RERE: variants seen among roughly 807,000 people sequenced by gnomAD.
The protein encoded by RERE is arginine-glutamic acid dipeptide repeats protein.
A neutral mutation model predicts 146.1 loss-of-function variants in RERE; 40 were observed. The observed-to-expected ratio is 0.27, with a 90% CI of 0.21 to 0.36. RERE has a LOEUF of 0.36. Among genes scored for constraint, RERE ranks in the 10% least tolerant of loss-of-function variants. The pLI is 1.00. For missense variants in RERE, 1,933 were observed against 2,138.7 expected, an observed-to-expected ratio of 0.90 and a Z score of 1.90; for synonymous variants, 1,003 against 866.0, an observed-to-expected ratio of 1.16 and a Z score of -2.78.
intron 1 of RERE, among the ~76,000 whole-genome samples, chr1:8,789,430 T>C (rs931956279): frequency 1.3e-5 from 2 of 150,918 alleles, no homozygotes; most frequent in African/African-American, 4.9e-5. Context: ...TAACCTACTA[T>C]CTGACCAAAC....
chr1:8,773,996 T>C (rs1378387362), intron 1 of RERE, among the ~76,000 whole-genome samples: 1 of 152,192 alleles, frequency 6.6e-6, no homozygotes, highest in Non-Finnish European at 1.5e-5. Context: ...CATCAGCTCA[T>C]AGCCTTCCTT....
chr1:8,711,493 T>C (rs751621581), intron 1 of RERE, among the ~76,000 whole-genome samples: 6 of 152,292 alleles, frequency 3.9e-5, no homozygotes, highest in African/African-American at 9.6e-5. Context: ...CAAAACTCAC[T>C]AGAGATCTCA....
intron 1 of RERE, among the ~76,000 whole-genome samples, chr1:8,666,661 G>A (rs945500084): frequency 1.2e-4 from 19 of 152,230 alleles, no homozygotes; most frequent in Non-Finnish European, 2.6e-4. Flanking sequence ...GTAACCTGAT[G>A]TAGAGAATAC....
intron 1 of RERE, among the ~76,000 whole-genome samples, chr1:8,669,369 G>A (rs916066075): frequency 2.0e-5 from 3 of 152,126 alleles, no homozygotes; most frequent in African/African-American, 4.8e-5. Flanking sequence ...AAAATGCTGG[G>A]ATTACAGGCA....
chr1:8,473,927 G>A (rs982824094), intron 10 of RERE, among the ~76,000 whole-genome samples: 1 of 152,194 alleles, frequency 6.6e-6, no homozygotes, highest in African/African-American at 2.4e-5. Flanking sequence ...AGGTTCAATA[G>A]AGCCAACAAT....
intron 8 of RERE, among the ~76,000 whole-genome samples, chr1:8,503,819 A>G (rs1334059672): frequency 6.6e-6 from 1 of 152,232 alleles, no homozygotes; most frequent in Admixed American, 6.5e-5. Context: ...CAGGATATAC[A>G]TAACAAAATG....
At chr1:8,814,157 T>TA (rs1641866698) in intron 1 of RERE, among the ~76,000 whole-genome samples, 1 of 152,206 alleles carries the variant, frequency 6.6e-6, no homozygotes, top group South Asian at 2.1e-4. Context: ...TACACAACTT[T>TA]AGAGATTACT....
chr1:8,627,347 AAAT>A (rs1646986740), intron 2 of RERE, among the ~76,000 whole-genome samples: 1 of 151,798 alleles, frequency 6.6e-6, no homozygotes, highest in East Asian at 1.9e-4. Context: ...GGGTTAAAAA[AAAT>A]AAAAAATAAA....
At chr1:8,645,907 T>A (rs764622208) in intron 2 of RERE, among the ~76,000 whole-genome samples, 12 of 152,312 alleles carry the variant, frequency 7.9e-5, no homozygotes, top group South Asian at 4.1e-4. Context: ...AACTAAAAGA[T>A]GAAATAAAAT....
chr1:8,577,094 G>A (rs985634107), intron 4 of RERE, among the ~76,000 whole-genome samples: 4 of 151,810 alleles, frequency 2.6e-5, no homozygotes, highest in South Asian at 2.1e-4. Context: ...GCGTGAACCC[G>A]GGAGGCGGAG....
chr1:8,354,874 T>C lies in RERE; in HGVS notation c.*213A>G. On this transcript the variant is annotated 3_prime_UTR_variant, in exon 23 of 23. Transcript: ENST00000400908. ...AGGACTCACTAAGTTTCTGGGGGACTGTCATGCAGGGAGATCCAAACCAGT... is the reference window on the plus strand; with the variant it reads ...AGGACTCACTAAGTTTCTGGGGGACCGTCATGCAGGGAGATCCAAACCAGT... The C allele has an allele frequency of 3.4e-6, 2 of 580,910 alleles. No individual in the cohort carries two copies. Among genetic ancestry groups the C allele is most frequent in the Non-Finnish European group, 6.0e-6 (2 of 331,106 alleles). The allele number at this position is 580,910 out of a possible 1,614,324, so 36.0% of individuals were successfully genotyped here.
Position 8,356,108 on chromosome 1 carries a change from G to C in RERE, c.4478C>G (p.Pro1493Arg). 6.7e-7 allele frequency: 1 copy of C among 1,502,052 alleles called. No individual in the cohort carries two copies. Among genetic ancestry groups the C allele is most frequent in the Non-Finnish European group, 8.9e-7 (1 of 1,128,410 alleles). 93.0% of individuals were successfully genotyped at this position (1,502,052 alleles called of 1,614,324 possible). ...TGGAGGGGAAGTCTTACCGAAAACT[G>C]GGTGGCGAAGCATCTCGTGCTCGTG... ...PPHEHEMLRH[P>R]VFGTPYPRDL... Residue 1493 changes from proline to arginine, a missense_variant, in exon 21 of 23, where the codon CCA becomes CGA. Around this residue, in one of 11 missense-constraint regions of RERE, gnomAD observed 133 missense variants for 168.6 expected, o/e 0.79. Coordinates refer to ENST00000400908, the MANE Select transcript of RERE (RefSeq NM_001042681.2). The surrounding 1 kb of genome is among the most constrained non-coding windows in gnomAD (Gnocchi z 5.2).
At chr1:8,708,905 G>GATT (rs1336481199) in intron 1 of RERE, among the ~76,000 whole-genome samples, 1 of 72,284 alleles carries the variant, frequency 1.4e-5, no homozygotes, top group Non-Finnish European at 2.4e-5. Context: ...AAACTCTGGA[G>GATT]TTTTTTTTTT....
intron 12 of RERE, among the ~76,000 whole-genome samples, chr1:8,372,507 C>CATGTGTGTGT (rs1553157691): frequency 2.3e-5 from 3 of 131,764 alleles, no homozygotes; most frequent in African/African-American, 8.5e-5. Flanking sequence ...ACCATCAGGT[C>CATGTGTGTGT]GTGTGTGTGT....
At chr1:8,378,361 A>G (rs1404192112) in intron 12 of RERE, among the ~76,000 whole-genome samples, 1 of 152,226 alleles carries the variant, frequency 6.6e-6, no homozygotes, top group Admixed American at 6.5e-5. Context: ...CCAGGAAGGA[A>G]GGGGAGAGAC....
At chr1:8,581,925 G>C (rs1489667245) in intron 4 of RERE, among the ~76,000 whole-genome samples, 1 of 151,870 alleles carries the variant, frequency 6.6e-6, no homozygotes, top group Admixed American at 6.6e-5. Flanking sequence ...TTTGAGTTAT[G>C]CAATTACACT....
At position 8,530,679 on chromosome 1, in the gene RERE, C is replaced by CTTTT. The variant is rs1197212764; in HGVS notation, c.830+10531_830+10534dup. ...AGACATGGAACTGAGTTTTCGTTTT[C>CTTTT]TTTTTTTTTTTTTTTTTTTTTTTGA... On this transcript the variant is annotated intron_variant, in intron 7 of 22. Coordinates refer to ENST00000400908, the MANE Select transcript of RERE (RefSeq NM_001042681.2). 3.7e-3 allele frequency among the ~76,000 whole-genome samples: 354 copies of CTTTT among 96,838 alleles called. 5 individuals carry two copies. The highest frequency in any genetic ancestry group is 4.0e-3 in the Non-Finnish European group (196 of 49,500). 63.5% of individuals were successfully genotyped at this position (96,838 alleles called of 152,430 possible). A position where few individuals can be genotyped will look rare whatever the true frequency, so the allele number is the denominator to read the frequency against.
chr1:8,757,292 C>T (rs988007289), intron 1 of RERE, among the ~76,000 whole-genome samples: 3 of 152,036 alleles, frequency 2.0e-5, no homozygotes, highest in Admixed American at 1.3e-4. Context: ...ATGAACTTTC[C>T]CTAGCAAATT....
At chr1:8,385,475 C>A (rs1028240778) in intron 12 of RERE, among the ~76,000 whole-genome samples, 1 of 152,264 alleles carries the variant, frequency 6.6e-6, no homozygotes, top group Non-Finnish European at 1.5e-5. Context: ...GTAGCAGGGG[C>A]AGGCTACCAC....
Sources: allele counts gnomAD v4.1 joint callset (sites outside exome capture counted in the v4.1 genomes callset), GRCh38; gene constraint gnomAD v4.1.1; regional missense constraint gnomAD v4.1.1; non-coding constraint Gnocchi (gnomAD v3.1); transcripts MANE v1.5; gene names NCBI Gene and HGNC (gene_info 2026-07-23, HGNC 2026-07-21).